The following PIK3C2G variants were observed in gnomAD, a reference collection of about 807,000 sequenced individuals.
PIK3C2G encodes the protein phosphatidylinositol-4-phosphate 3-kinase catalytic subunit type 2 gamma, also known as phosphatidylinositol 3-kinase C2 domain-containing subunit gamma.
PIK3C2G carries 168 observed loss-of-function variants against 181.1 expected under a neutral mutation model. The ratio of observed to expected loss-of-function variants is 0.93; its 90% CI spans 0.82 to 1.05. PIK3C2G has a LOEUF of 1.05. Among genes scored for constraint, PIK3C2G ranks in the 50% least tolerant of loss-of-function variants. PIK3C2G has a pLI of 0.00. For missense variants in PIK3C2G, 1,869 were observed against 1,732.8 expected (o/e 1.08, Z -1.40); for synonymous variants, 573 against 592.2 (o/e 0.97, Z 0.47).
intron 18 of PIK3C2G, among the ~76,000 whole-genome samples, chr12:18,469,249 A>G (rs901682002): frequency 3.3e-5 from 5 of 152,010 alleles, no homozygotes; most frequent in African/African-American, 1.2e-4. Flanking sequence ...TGCCTGAGAG[A>G]CCCATTTCTG....
At chr12:18,661,712 C>T in the PIK3C2G span, among the ~76,000 whole-genome samples, 3 of 152,100 alleles carry the variant, frequency 2.0e-5, no homozygotes, top group Admixed American at 6.6e-5. Context: ...GAAATTAGGT[C>T]AGCCATTGTG....
the PIK3C2G span, chr12:18,693,969 T>C: frequency 6.0e-6 from 9 of 1,512,016 alleles, no homozygotes; most frequent in Admixed American, 1.5e-4. Flanking sequence ...ATCAAGGCAG[T>C]CTGTACAGAA....
At chr12:18,658,058 A>T in the PIK3C2G span, among the ~76,000 whole-genome samples, 14 of 152,100 alleles carry the variant, frequency 9.2e-5, no homozygotes, top group African/African-American at 3.4e-4. Flanking sequence ...TGAAATGAAA[A>T]ATTCACAAAA....
chr12:18,363,723 T>G (rs760560128), intron 12 of PIK3C2G, among the ~76,000 whole-genome samples: 1 of 152,142 alleles, frequency 6.6e-6, no homozygotes, highest in Non-Finnish European at 1.5e-5. Flanking sequence ...ATGATGCTTT[T>G]CCATTAATAA....
the PIK3C2G span, among the ~76,000 whole-genome samples, chr12:18,680,212 C>G: frequency 1.3e-5 from 2 of 152,024 alleles, no homozygotes; most frequent in African/African-American, 4.8e-5. Context: ...ATCCCATAAG[C>G]ATTTCACTCA....
chr12:18,701,606 ATCCTCCTCCTCCTCCTCC>A, the PIK3C2G span: 4,261 of 1,524,768 alleles, frequency 2.8e-3, 36 homozygotes, highest in African/African-American at 0.031. Flanking sequence ...CTTTGAATTT[ATCCTCCTCCTCCTCCTCC>A]TCCTCCTCCT....
intron 29 of PIK3C2G, among the ~76,000 whole-genome samples, chr12:18,587,786 G>C (rs1045731035): frequency 6.6e-6 from 1 of 150,790 alleles, no homozygotes; most frequent in East Asian, 1.9e-4. Context: ...ACAAACACCT[G>C]AATAGCCAAC....
At chr12:18,435,891 A>G (rs373646027) in intron 18 of PIK3C2G, among the ~76,000 whole-genome samples, 3 of 151,612 alleles carry the variant, frequency 2.0e-5, no homozygotes, top group East Asian at 1.9e-4. Context: ...AACATATTTC[A>G]TACTTTACTT....
chr12:18,289,762 G>A (rs536983945), intron 3 of PIK3C2G, among the ~76,000 whole-genome samples: 10 of 152,166 alleles, frequency 6.6e-5, no homozygotes, highest in Non-Finnish European at 1.5e-4. Flanking sequence ...CCCTGATGGA[G>A]GAGATGTTTC....
At chr12:18,409,742 T>C (rs1944749461) in intron 16 of PIK3C2G, among the ~76,000 whole-genome samples, 1 of 152,070 alleles carries the variant, frequency 6.6e-6, no homozygotes, top group Non-Finnish European at 1.5e-5. Flanking sequence ...GATGTATTAG[T>C]CTGTTCTCAC....
rs189828472 is a variant in PIK3C2G, at chr12:18,399,826, C to G, written c.2294C>G (p.Ala765Gly). The change falls in exon 16 of 33, where the codon GCT becomes GGT. Residue 765 changes from alanine (A) to glycine (G), a missense_variant. Transcript: ENST00000538779. Reference sequence around the variant, plus strand: ...TGGACATTTTCTCAACCTTTAGAGGCTCTTGGGCTTTTGACTTCCAGGTAA... The same window carrying G: ...TGGACATTTTCTCAACCTTTAGAGGGTCTTGGGCTTTTGACTTCCAGGTAA... The part of the protein sequence containing the change: ...RRWTFSQPLE[A>G]LGLLTSSFPD... 1.9e-3 allele frequency: 3,022 copies of G among 1,583,672 alleles called. 10 individuals carry two copies. Among genetic ancestry groups the G allele is most frequent in the South Asian group, 2.5e-3 (215 of 86,952 alleles).
At chr12:18,476,108 C>A (rs1197796620) in intron 18 of PIK3C2G, among the ~76,000 whole-genome samples, 1 of 152,028 alleles carries the variant, frequency 6.6e-6, no homozygotes, top group Non-Finnish European at 1.5e-5. Flanking sequence ...TCAATAAGAA[C>A]AACGAATAGA....
At chr12:18,696,247 G>T in the PIK3C2G span, 1 of 1,580,738 alleles carries the variant, frequency 6.3e-7, no homozygotes, top group South Asian at 1.1e-5. Flanking sequence ...ACTTCCTGGT[G>T]TGAAAAATAA....
At chr12:18,544,969 A>G (rs1206713726) in intron 25 of PIK3C2G, among the ~76,000 whole-genome samples, 2 of 151,820 alleles carry the variant, frequency 1.3e-5, no homozygotes, top group African/African-American at 4.8e-5. Context: ...CTAGCCTCTA[A>G]ACGGGCCTCA....
intron 11 of PIK3C2G, among the ~76,000 whole-genome samples, chr12:18,351,720 T>C (rs1940231231): frequency 6.6e-6 from 1 of 152,216 alleles, no homozygotes; most frequent in Admixed American, 6.5e-5. Flanking sequence ...CATATGCACG[T>C]CATCCTGTAT....
In PIK3C2G at chr12:18,368,946, G is replaced by A. The variant is rs1167370279; in HGVS notation, c.1749-2234G>A. Among the ~76,000 whole-genome samples the A allele has an allele frequency of 2.6e-5, 4 of 152,186 alleles. No homozygotes were observed. The East Asian group carries it at 7.7e-4, about 29-fold the overall frequency. ...TGCTCCCTAGGCTCCAGATTAGAAA[G>A]CCAACTCCTAGTGTGAGAAGATGCT... On this transcript the variant is annotated intron_variant, in intron 12 of 32. Transcript: ENST00000538779.
chr12:18,705,222 C>G, the PIK3C2G span: 1 of 1,614,034 alleles, frequency 6.2e-7, no homozygotes, highest in Non-Finnish European at 8.5e-7. Flanking sequence ...AGCAAGGACT[C>G]TCCAAAAGTA....
chr12:18,725,096 CAAA>C, the PIK3C2G span, among the ~76,000 whole-genome samples: 24 of 152,050 alleles, frequency 1.6e-4, no homozygotes, highest in East Asian at 2.7e-3. Context: ...TGATCAAAAT[CAAA>C]GAAGAATTCA....
chr12:18,262,119 T>G (rs1389243486), intron 1 of PIK3C2G, among the ~76,000 whole-genome samples: 1 of 152,058 alleles, frequency 6.6e-6, no homozygotes, highest in Admixed American at 6.6e-5. Context: ...CTATTTCCAT[T>G]TCCTCCCTCT....
Sources: gnomAD v4.1 joint callset for allele counts (sites outside exome capture counted in the v4.1 genomes callset) on GRCh38, gnomAD v4.1.1 for gene constraint, MANE v1.5 for transcripts, NCBI Gene and HGNC (gene_info 2026-07-23, HGNC 2026-07-21) for gene names.